Variants in CDH4 observed in about 807,000 individuals in gnomAD.
CDH4 encodes the protein cadherin-4.
A neutral mutation model predicts 86.0 loss-of-function variants in CDH4; 33 were observed. The ratio of observed to expected loss-of-function variants is 0.38; its 90% confidence interval spans 0.29 to 0.51. The LOEUF is 0.51. CDH4 is among the 20% of genes least tolerant of loss of function. CDH4 has a pLI of 0.86. For missense variants in CDH4, 1,114 were observed against 1,307.4 expected (o/e 0.85, Z 2.28); for synonymous variants, 555 against 549.4 (o/e 1.01, Z -0.14).
intron 2 of CDH4, among the ~76,000 whole-genome samples, chr20:61,453,547 G>A (rs1027822945): frequency 5.9e-5 from 9 of 152,178 alleles, no homozygotes; most frequent in African/African-American, 2.2e-4. Context: ...AAGGCTCTGT[G>A]TGGAGCTGGG....
intron 2 of CDH4, among the ~76,000 whole-genome samples, chr20:61,422,448 A>C (rs897551689): frequency 2.0e-3 from 284 of 142,238 alleles, no homozygotes; most frequent in Middle Eastern, 3.6e-3. Context: ...AAAAAAAAAA[A>C]AAAAAAAAAA....
chr20:61,606,650 G>A (rs1164177692), intron 2 of CDH4, among the ~76,000 whole-genome samples: 1 of 152,246 alleles, frequency 6.6e-6, no homozygotes, highest in Non-Finnish European at 1.5e-5. Context: ...GGCCTGTCCT[G>A]GGAAGTGCAC....
At chr20:61,559,171 A>G (rs1189758421) in intron 2 of CDH4, among the ~76,000 whole-genome samples, 1 of 152,142 alleles carries the variant, frequency 6.6e-6, no homozygotes, top group Non-Finnish European at 1.5e-5. Flanking sequence ...ACAAAAAATT[A>G]GCTGGGTGTG....
At chr20:61,339,305 C>G (rs933406066) in intron 2 of CDH4, among the ~76,000 whole-genome samples, 2 of 152,126 alleles carry the variant, frequency 1.3e-5, no homozygotes, top group Non-Finnish European at 2.9e-5. Flanking sequence ...AATGAGCAAA[C>G]AGGTCTTCCA....
chr20:61,398,179 A>G (rs553734982), intron 2 of CDH4, among the ~76,000 whole-genome samples: 29 of 152,174 alleles, frequency 1.9e-4, no homozygotes, highest in Non-Finnish European at 3.7e-4. Flanking sequence ...TGGAATTGAT[A>G]ATGTACCTCC....
intron 2 of CDH4, among the ~76,000 whole-genome samples, chr20:61,279,221 G>A (rs899252307): frequency 3.9e-5 from 6 of 152,216 alleles, no homozygotes; most frequent in Non-Finnish European, 8.8e-5. Flanking sequence ...GCTCCAGAGG[G>A]ACACGGCGAG....
chr20:61,933,994 G>A (rs2055146392), intron 14 of CDH4, 62 bp from the exon 15 acceptor site: 2 of 1,580,664 alleles, frequency 1.3e-6, no homozygotes, highest in African/African-American at 2.7e-5. Flanking sequence ...AAGGATGCAG[G>A]GTGGAAGGGG....
chr20:61,682,390 GGATA>G (rs2087525993), intron 2 of CDH4, among the ~76,000 whole-genome samples: 1 of 143,298 alleles, frequency 7.0e-6, no homozygotes, highest in South Asian at 2.5e-4. Context: ...GATGATGGAT[GGATA>G]GATGGATGGA....
intron 2 of CDH4, among the ~76,000 whole-genome samples, chr20:61,296,681 C>T (rs1439748678): frequency 4.6e-5 from 7 of 152,144 alleles, no homozygotes; most frequent in African/African-American, 1.7e-4. Context: ...CCATGCCACA[C>T]GAAACTGGTG....
chr20:61,772,790 A>G (rs191669235), intron 3 of CDH4, among the ~76,000 whole-genome samples: 6 of 151,170 alleles, frequency 4.0e-5, no homozygotes, highest in Admixed American at 2.6e-4. Context: ...AATCGGTCTC[A>G]TCATATTGAT....
intron 6 of CDH4, among the ~76,000 whole-genome samples, chr20:61,857,751 C>T (rs1474817885): frequency 6.6e-6 from 1 of 152,258 alleles, no homozygotes; most frequent in African/African-American, 2.4e-5. Flanking sequence ...TCCTGTAAGC[C>T]CTTCAGCCAG....
At chr20:61,722,504 C>A (rs1020641149) in intron 2 of CDH4, among the ~76,000 whole-genome samples, 1 of 152,156 alleles carries the variant, frequency 6.6e-6, no homozygotes, top group Admixed American at 6.5e-5. Context: ...CCAGGTGCAT[C>A]CCCCCAGGAG....
intron 4 of CDH4, among the ~76,000 whole-genome samples, chr20:61,788,350 G>A (rs761119988): frequency 2.6e-5 from 4 of 152,196 alleles, no homozygotes; most frequent in Admixed American, 6.5e-5. Context: ...GGGAGGGCTG[G>A]GGGTGCAGAC....
intron 2 of CDH4, among the ~76,000 whole-genome samples, chr20:61,311,004 G>T (rs188721742): frequency 1.3e-5 from 2 of 152,140 alleles, no homozygotes; most frequent in African/African-American, 2.4e-5. Context: ...CAGCCCTAAC[G>T]CTTCCCAAGG....
intron 4 of CDH4, among the ~76,000 whole-genome samples, chr20:61,778,955 T>G (rs1026204972): frequency 2.6e-5 from 4 of 152,196 alleles, no homozygotes; most frequent in Non-Finnish European, 5.9e-5. Flanking sequence ...AGAGCTCTCC[T>G]GTGGCCTTCA....
At chr20:61,300,985 T>G (rs951417032) in intron 2 of CDH4, among the ~76,000 whole-genome samples, 1 of 152,102 alleles carries the variant, frequency 6.6e-6, no homozygotes, top group Non-Finnish European at 1.5e-5. Flanking sequence ...CCTCCTCACA[T>G]GAGCTGCTGG....
At chr20:61,702,414 C>G (rs913576367) in intron 2 of CDH4, among the ~76,000 whole-genome samples, 1 of 152,214 alleles carries the variant, frequency 6.6e-6, no homozygotes, top group African/African-American at 2.4e-5. Context: ...GAACGCTCCA[C>G]ACAAAACATT....
At chr20:61,872,135 C>T (rs1427450923) in intron 6 of CDH4, among the ~76,000 whole-genome samples, 2 of 152,220 alleles carry the variant, frequency 1.3e-5, no homozygotes, top group South Asian at 2.1e-4. Context: ...CATGAGGCCG[C>T]CCCGCACCCT....
At chr20:61,876,227 C>T (rs1728176635) in intron 7 of CDH4, among the ~76,000 whole-genome samples, 1 of 152,226 alleles carries the variant, frequency 6.6e-6, no homozygotes, top group South Asian at 2.1e-4. Context: ...ACCTAGAGCC[C>T]ACAGACTGCC....
Sources: gnomAD v4.1 joint callset for allele counts (sites outside exome capture counted in the v4.1 genomes callset) on GRCh38, gnomAD v4.1.1 for gene constraint, MANE v1.5 for transcripts, NCBI Gene and HGNC (gene_info 2026-07-23, HGNC 2026-07-21) for gene names.